SNTG1: variants seen among roughly 807,000 people sequenced by gnomAD.
SNTG1 encodes the protein syntrophin gamma 1.
SNTG1 carries 39 observed loss-of-function variants against 74.7 expected under a neutral mutation model. That is an observed-to-expected ratio of 0.52 (90% confidence interval 0.40 to 0.68). SNTG1 has a LOEUF of 0.68. Among genes scored for constraint, SNTG1 ranks in the 30% least tolerant of loss-of-function variants. The probability of loss-of-function intolerance (pLI) is 0.00; values close to 1 mark genes in which losing one functional copy is unlikely to be tolerated. For missense variants in SNTG1, 685 were observed against 609.5 expected, an observed-to-expected ratio of 1.12 and a Z score of -1.30; for synonymous variants, 254 against 217.1, an observed-to-expected ratio of 1.17 and a Z score of -1.49.
chr8:50,081,000 T>C (rs879938387), intron 1 of SNTG1, among the ~76,000 whole-genome samples: 23 of 152,170 alleles, frequency 1.5e-4, no homozygotes, highest in Non-Finnish European at 2.8e-4. Flanking sequence ...TATATCTATA[T>C]GTTATAAACT....
chr8:50,032,056 G>C (rs1313998325), intron 1 of SNTG1, among the ~76,000 whole-genome samples: 1 of 152,004 alleles, frequency 6.6e-6, no homozygotes, highest in African/African-American at 2.4e-5. Context: ...ATTTTGTCTA[G>C]TTTATAAAAT....
intron 2 of SNTG1, among the ~76,000 whole-genome samples, chr8:50,315,392 A>G (rs1294777766): frequency 6.7e-6 from 1 of 150,004 alleles, no homozygotes; most frequent in Non-Finnish European, 1.5e-5. Flanking sequence ...TTTTGTATGA[A>G]CTTTATTGGC....
At chr8:50,630,265 GAGAA>G (rs2094987609) in intron 13 of SNTG1, among the ~76,000 whole-genome samples, 1 of 152,080 alleles carries the variant, frequency 6.6e-6, no homozygotes, top group Non-Finnish European at 1.5e-5. Context: ...CTTTCAAAGA[GAGAA>G]AGAGAAAGAA....
intron 9 of SNTG1, among the ~76,000 whole-genome samples, chr8:50,528,107 T>C (rs1183414904): frequency 6.6e-6 from 1 of 152,014 alleles, no homozygotes; most frequent in African/African-American, 2.4e-5. Flanking sequence ...GCTTCTTCCT[T>C]TCCAATCTAC....
intron 8 of SNTG1, chr8:50,490,747 G>A (rs539518035): frequency 9.6e-4 from 146 of 152,428 alleles, no homozygotes; most frequent in Non-Finnish European, 1.4e-3. Flanking sequence ...TGCCTGCAGC[G>A]GGACTTCCTC....
At chr8:50,629,891 G>A (rs1156657621) in intron 13 of SNTG1, among the ~76,000 whole-genome samples, 1 of 152,126 alleles carries the variant, frequency 6.6e-6, no homozygotes. Context: ...TAGCTACTGT[G>A]TCAAAAGAAA....
Position 50,572,958 on chromosome 8 carries a change from G to C in SNTG1, c.811-17921G>C, listed in dbSNP as rs148967461. On this transcript the variant is annotated intron_variant, in intron 12 of 18. Coordinates refer to ENST00000642720, the MANE Select transcript of SNTG1 (RefSeq NM_018967.5). The stretch of plus-strand genomic sequence containing the variant: ...TGATTTTCACCAGAAAATATACCCT[G>C]TTAAACAGCATCCTGCATTGTCCAT... Among the ~76,000 whole-genome samples, 207 of 152,160 alleles carry C rather than the reference G, an allele frequency of 1.4e-3. 2 individuals carry two copies. Among genetic ancestry groups the C allele is most frequent in the African/African-American group, 3.9e-3 (161 of 41,534 alleles).
At position 50,601,790 on chromosome 8, in the gene SNTG1, T is replaced by C. The variant is rs181301788; in HGVS notation, c.849+10873T>C. On this transcript the variant is annotated intron_variant, in intron 13 of 18. Transcript: ENST00000642720. ...TTACTTTAATAATATTTACTTTCTA[T>C]ATCTGGGTGCTTTGGTACTGGGTGC... 4.2e-3 allele frequency among the ~76,000 whole-genome samples: 647 copies of C among 152,302 alleles called. 9 individuals carry two copies. The highest frequency in any genetic ancestry group is 0.014 in the African/African-American group (585 of 41,578).
rs112077020 is a variant in SNTG1, at chr8:50,475,400, A to G, written c.363+24671A>G. Among the ~76,000 whole-genome samples, 712 of 152,278 alleles carry G rather than the reference A, an allele frequency of 4.7e-3. 7 individuals carry two copies. The highest frequency in any genetic ancestry group is 0.016 in the African/African-American group (676 of 41,564). ...TCATTTAAAAATCAGAAGCTCTGGA[A>G]ACTTTGGGCCTCCACTGTTTCTCAG... On this transcript the variant is annotated intron_variant, in intron 8 of 18. Transcript: ENST00000642720.
intron 1 of SNTG1, among the ~76,000 whole-genome samples, chr8:49,931,239 T>C (rs750146999): frequency 5.9e-5 from 9 of 152,238 alleles, no homozygotes; most frequent in Non-Finnish European, 1.0e-4. Flanking sequence ...ATTTACAATG[T>C]GGCCGACCAA....
intron 2 of SNTG1, among the ~76,000 whole-genome samples, chr8:50,206,787 T>A (rs2084263645): frequency 6.6e-6 from 1 of 152,198 alleles, no homozygotes; most frequent in African/African-American, 2.4e-5. Context: ...GGTTGTTGAA[T>A]TTTGTCAAAG....
intron 3 of SNTG1, among the ~76,000 whole-genome samples, chr8:50,400,132 T>G (rs1034620192): frequency 6.6e-6 from 1 of 152,220 alleles, no homozygotes; most frequent in Non-Finnish European, 1.5e-5. Flanking sequence ...CGGATTCTTT[T>G]AAAGTAGCAG....
At chr8:50,036,760 C>G (rs1563505217) in intron 1 of SNTG1, among the ~76,000 whole-genome samples, 1 of 152,196 alleles carries the variant, frequency 6.6e-6, no homozygotes, top group Non-Finnish European at 1.5e-5. Context: ...TCTTCTTCGG[C>G]TGAAGTAAGC....
At chr8:50,542,329 G>T (rs1320623818) in intron 11 of SNTG1, among the ~76,000 whole-genome samples, 1 of 151,304 alleles carries the variant, frequency 6.6e-6, no homozygotes, top group Non-Finnish European at 1.5e-5. Flanking sequence ...CTAATTTTTT[G>T]TATCTTTAGT....
At chr8:50,742,367 A>G (rs2095545391) in intron 17 of SNTG1, among the ~76,000 whole-genome samples, 1 of 152,036 alleles carries the variant, frequency 6.6e-6, no homozygotes, top group Non-Finnish European at 1.5e-5. Flanking sequence ...CAATAACAGA[A>G]GAAACACTGG....
chr8:50,474,313 C>CT (rs1035688262), intron 8 of SNTG1, among the ~76,000 whole-genome samples: 2 of 151,400 alleles, frequency 1.3e-5, no homozygotes, highest in Admixed American at 6.6e-5. Context: ...AGAAAATTTT[C>CT]TCAACCTACT....
intron 9 of SNTG1, among the ~76,000 whole-genome samples, chr8:50,529,849 A>G (rs917243912): frequency 6.7e-6 from 1 of 148,534 alleles, no homozygotes; most frequent in Admixed American, 6.8e-5. Flanking sequence ...AAAATCTTGT[A>G]TTATTTTAAG....
intron 1 of SNTG1, among the ~76,000 whole-genome samples, chr8:49,981,773 A>G (rs1812701730): frequency 6.6e-6 from 1 of 152,202 alleles, no homozygotes; most frequent in Non-Finnish European, 1.5e-5. Context: ...GGCATATAAA[A>G]TATTTTGCTT....
chr8:50,469,077 A>G (rs776227408), intron 8 of SNTG1, among the ~76,000 whole-genome samples: 6 of 152,254 alleles, frequency 3.9e-5, no homozygotes, highest in Non-Finnish European at 8.8e-5. Context: ...TTATTCTTTC[A>G]TTGGCATTCT....
Sources: allele counts gnomAD v4.1 joint callset (sites outside exome capture counted in the v4.1 genomes callset), GRCh38; gene constraint gnomAD v4.1.1; transcripts MANE v1.5; gene names NCBI Gene and HGNC (gene_info 2026-07-23, HGNC 2026-07-21).